The following USP53 variants were observed in gnomAD, a reference collection of about 807,000 sequenced individuals.
USP53 encodes ubiquitin specific peptidase 53, also known as ubiquitin carboxyl-terminal hydrolase 53.
USP53 carries 71 observed loss-of-function variants against 94.9 expected under a neutral mutation model. The observed-to-expected ratio is 0.75, with a 90% confidence interval of 0.62 to 0.91. The LOEUF (loss-of-function observed/expected upper bound fraction) is 0.91. USP53 is among the 40% of genes least tolerant of loss of function. The pLI, the probability that USP53 is intolerant of heterozygous loss-of-function variation, is 0.00. For missense variants in USP53, 1,173 were observed against 1,281.0 expected (o/e 0.92, Z 1.29); for synonymous variants, 375 against 422.7 (o/e 0.89, Z 1.39).
intron 6 of USP53, among the ~76,000 whole-genome samples, chr4:119,246,352 A>G (rs1329994092): frequency 6.6e-6 from 1 of 152,236 alleles, no homozygotes; most frequent in East Asian, 1.9e-4. Context: ...GTGAGCCACC[A>G]TGATGAGGAA....
chr4:119,285,365 C>G (rs1196230493), intron 17 of USP53, among the ~76,000 whole-genome samples: 2 of 151,760 alleles, frequency 1.3e-5, no homozygotes, highest in African/African-American at 4.8e-5. Flanking sequence ...TCATATGTAA[C>G]AGATCACAAA....
At chr4:119,236,917 G>A (rs1346152815) in intron 4 of USP53, among the ~76,000 whole-genome samples, 1 of 152,108 alleles carries the variant, frequency 6.6e-6, no homozygotes, top group Non-Finnish European at 1.5e-5. Flanking sequence ...AAGGTTTTCA[G>A]TTTACTTTGC....
Position 119,278,081 on chromosome 4 carries a change from G to C in USP53, c.2251+4373G>C, listed in dbSNP as rs1553172019. 6.7e-5 allele frequency among the ~76,000 whole-genome samples: 10 copies of C among 149,900 alleles called. No homozygotes were observed. The South Asian group carries it at 2.2e-3, about 32-fold the overall frequency. ...TTTGCCAGTCTGTGTCTTTTAATTG[G>C]AGAATTTAGTCCATTTACATTTAAA... On this transcript the variant is annotated intron_variant, in intron 17 of 18. Coordinates refer to ENST00000692078, the MANE Select transcript of USP53 (RefSeq NM_001371395.1).
chr4:119,217,187 T>G (rs534488535), intron 2 of USP53, among the ~76,000 whole-genome samples: 21 of 152,312 alleles, frequency 1.4e-4, no homozygotes, highest in Admixed American at 7.2e-4. Flanking sequence ...CAGGGTATTC[T>G]TTGCCCATCA....
At chr4:119,285,407 A>G (rs1371589735) in intron 17 of USP53, among the ~76,000 whole-genome samples, 2 of 151,858 alleles carry the variant, frequency 1.3e-5, no homozygotes, top group Non-Finnish European at 1.5e-5. Flanking sequence ...AACTTTTGCC[A>G]TTTGCTTCCA....
chr4:119,277,715 T>C (rs1161044904), intron 17 of USP53, among the ~76,000 whole-genome samples: 10 of 145,848 alleles, frequency 6.9e-5, no homozygotes, highest in African/African-American at 2.0e-4. Context: ...AAGTCTCCCA[T>C]TATTAATGTG....
chr4:119,282,164 C>T (rs1225248067), intron 17 of USP53, among the ~76,000 whole-genome samples: 3 of 152,094 alleles, frequency 2.0e-5, no homozygotes, highest in African/African-American at 7.2e-5. Context: ...CTTTTTAAGA[C>T]TGAGTAACAT....
At position 119,228,313 on chromosome 4, in the gene USP53, G is replaced by A. The variant is rs115828233; in HGVS notation, c.-664-6977G>A. On this transcript the variant is annotated intron_variant, in intron 3 of 18. Coordinates refer to ENST00000692078, the MANE Select transcript of USP53 (RefSeq NM_001371395.1). ...TGTCAACCAGGATCTGTTCTCTCAT[G>A]TTGAGGCCCCCTCCACCTTTAAAGC... Among the ~76,000 whole-genome samples, 424 of 152,276 alleles carry A rather than the reference G, an allele frequency of 2.8e-3. 3 individuals carry two copies. The highest frequency in any genetic ancestry group is 9.7e-3 in the African/African-American group (404 of 41,560).
At chr4:119,225,855 A>T (rs1745178670) in intron 3 of USP53, among the ~76,000 whole-genome samples, 1 of 152,356 alleles carries the variant, frequency 6.6e-6, no homozygotes, top group Non-Finnish European at 1.5e-5. Context: ...AAAGTTATTT[A>T]AAATTTATTA....
At position 119,271,604 on chromosome 4, in the gene USP53, C is replaced by T. The variant is rs1265790137; in HGVS notation, c.1744C>T (p.Arg582Ter). 22 of 1,613,476 alleles carry T rather than the reference C, an allele frequency of 1.4e-5. No individual in the cohort carries two copies. The highest frequency in any genetic ancestry group is 1.7e-5 in the Non-Finnish European group (20 of 1,180,026). The change falls in exon 16 of 19, where the codon CGA (arginine) becomes TGA (stop). Residue 582 changes from arginine to a stop codon, truncating the protein, a stop_gained. Coordinates refer to ENST00000692078, the MANE Select transcript of USP53 (RefSeq NM_001371395.1). LOFTEE classifies it high-confidence loss of function. ...TGATAGCAGCAGTAAAAGCCGGAAC[C>T]GAGGTTGGAAACCTATGAGAGAAAC... ...SCDSSSKSRN[R>*]GWKPMRETLN...
chr4:119,231,708 G>A (rs921905966), intron 3 of USP53, among the ~76,000 whole-genome samples: 2 of 152,134 alleles, frequency 1.3e-5, no homozygotes, highest in African/African-American at 4.8e-5. Flanking sequence ...CAGAGAAGGA[G>A]CCGGAGGTGA....
chr4:119,257,369 G>A (rs1461768215), intron 9 of USP53, among the ~76,000 whole-genome samples: 2 of 152,194 alleles, frequency 1.3e-5, no homozygotes, highest in Non-Finnish European at 2.9e-5. Flanking sequence ...GATCCTGGGA[G>A]GTGGAGGTTG....
At chr4:119,227,718 A>G (rs1009359447) in intron 3 of USP53, among the ~76,000 whole-genome samples, 3 of 152,228 alleles carry the variant, frequency 2.0e-5, no homozygotes, top group Admixed American at 6.5e-5. Context: ...TGCATTTACA[A>G]TACAACCTAG....
chr4:119,267,889 C>G (rs1751347540), intron 13 of USP53, among the ~76,000 whole-genome samples: 1 of 152,144 alleles, frequency 6.6e-6, no homozygotes, highest in Non-Finnish European at 1.5e-5. Flanking sequence ...TAATCTGGGC[C>G]GGGCGCGGTG....
chr4:119,247,962 T>A (rs1158448020), intron 6 of USP53, among the ~76,000 whole-genome samples: 1 of 152,182 alleles, frequency 6.6e-6, no homozygotes, highest in Non-Finnish European at 1.5e-5. Context: ...TTTCTTTGTA[T>A]GTTGATCTTA....
intron 5 of USP53, 51 bp downstream of exon 5, chr4:119,239,954 CTTTG>C (rs1747297538): frequency 1.5e-6 from 2 of 1,335,004 alleles, no homozygotes; most frequent in Admixed American, 3.1e-5. Flanking sequence ...TCAGAAAATC[CTTTG>C]TTTAATGCTT....
chr4:119,286,021 A>G (rs79917553), intron 17 of USP53, among the ~76,000 whole-genome samples: 2,179 of 151,940 alleles, frequency 0.014, 41 homozygotes, highest in African/African-American at 0.049. Flanking sequence ...AAAATCCCCA[A>G]ATTTAGGTTT....
chr4:119,216,476 A>C (rs935803354), intron 2 of USP53, among the ~76,000 whole-genome samples: 2 of 151,882 alleles, frequency 1.3e-5, no homozygotes, highest in African/African-American at 4.8e-5. Flanking sequence ...CACTTACTTC[A>C]GTCACTTTAT....
chr4:119,251,759 C>G (rs1259137242), intron 7 of USP53, among the ~76,000 whole-genome samples: 3 of 152,172 alleles, frequency 2.0e-5, no homozygotes, highest in African/African-American at 7.2e-5. Flanking sequence ...GCCAGAACTT[C>G]CAATACTATG....
Sources: gnomAD v4.1 joint callset for allele counts (sites outside exome capture counted in the v4.1 genomes callset) on GRCh38, gnomAD v4.1.1 for gene constraint, MANE v1.5 for transcripts, NCBI Gene and HGNC (gene_info 2026-07-23, HGNC 2026-07-21) for gene names.